Variants in PARD3 observed in about 807,000 individuals in gnomAD.
The protein encoded by PARD3 is par-3 family cell polarity regulator.
A neutral mutation model predicts 155.4 loss-of-function variants in PARD3; 75 were observed. The observed-to-expected ratio is 0.48, with a 90% confidence interval of 0.40 to 0.58. The LOEUF is 0.58. Among genes scored for constraint, PARD3 ranks in the 20% least tolerant of loss-of-function variants. PARD3 has a pLI of 0.00. For missense variants in PARD3, 1,642 were observed against 1,721.7 expected, an observed-to-expected ratio of 0.95 and a Z score of 0.82; for synonymous variants, 576 against 610.5, an observed-to-expected ratio of 0.94 and a Z score of 0.83.
At chr10:34,756,055 G>A (rs911594944) in intron 1 of PARD3, among the ~76,000 whole-genome samples, 4 of 151,924 alleles carry the variant, frequency 2.6e-5, no homozygotes, top group African/African-American at 9.7e-5. Context: ...AGCAGAGAGA[G>A]GGGCTAGGAT....
At chr10:34,496,932 CAGA>C (rs1427774622) in intron 3 of PARD3, among the ~76,000 whole-genome samples, 2 of 151,964 alleles carry the variant, frequency 1.3e-5, no homozygotes, top group African/African-American at 2.4e-5. Context: ...AAAATGTTTT[CAGA>C]AGAAGTGACA....
chr10:34,543,256 GCAAAA>G (rs2083785340), intron 2 of PARD3, among the ~76,000 whole-genome samples: 1 of 151,978 alleles, frequency 6.6e-6, no homozygotes, highest in Non-Finnish European at 1.5e-5. Context: ...GGGCGTCAGA[GCAAAA>G]CCCTGTCTCC....
At chr10:34,398,673 C>T (rs1488555679) in intron 7 of PARD3, among the ~76,000 whole-genome samples, 1 of 152,104 alleles carries the variant, frequency 6.6e-6, no homozygotes, top group South Asian at 2.1e-4. Context: ...TATTTGAATA[C>T]ATTAAAACCA....
intron 3 of PARD3, among the ~76,000 whole-genome samples, chr10:34,486,423 G>C (rs149623405): frequency 8.5e-5 from 13 of 152,316 alleles, no homozygotes; most frequent in African/African-American, 2.6e-4. Flanking sequence ...TCAGGGCAAT[G>C]GTGGTGGTGC....
intron 18 of PARD3, among the ~76,000 whole-genome samples, 191 bp from the exon 19 acceptor site, chr10:34,331,535 AT>A (rs1271687222): frequency 2.0e-5 from 3 of 152,162 alleles, no homozygotes; most frequent in African/African-American, 7.2e-5. Flanking sequence ...CTTATATTAG[AT>A]TTGGTCTATT....
In PARD3 at chr10:34,429,553, A is replaced by AGTTGTGTTTT. The variant is rs1554854932; in HGVS notation, c.714+20763_714+20764insAAAACACAAC. 6.9e-5 allele frequency among the ~76,000 whole-genome samples: 10 copies of AGTTGTGTTTT among 145,238 alleles called. No individual in the cohort carries two copies. In the East Asian group the frequency reaches 1.7e-3, roughly 24 times the overall value. ...TAAGAATACAGCCCCACTCTAACTC[A>AGTTGTGTTTT]GTTTTGTTTTGTTTTGTTTTGTTTT... On this transcript the variant is annotated intron_variant, in intron 5 of 24. Coordinates refer to ENST00000374788, the MANE Select transcript of PARD3 (RefSeq NM_001184785.2).
Position 34,360,186 on chromosome 10 carries a change from T to C in PARD3, c.1781A>G (p.Asn594Ser), listed in dbSNP as rs1839308622. 1.2e-6 allele frequency: 2 copies of C among 1,613,922 alleles called. No homozygotes were observed. Among genetic ancestry groups the C allele is most frequent in the East Asian group, 2.2e-5 (1 of 44,882 alleles). The change falls in exon 13 of 25, where the codon AAT becomes AGT. Residue 594 changes from asparagine to serine, a missense_variant. Coordinates refer to ENST00000374788, the MANE Select transcript of PARD3 (RefSeq NM_001184785.2). Reference sequence around the variant, plus strand: ...ACCAAGGCCTGCAGATCCTGAATCATTAAGTGGGACTTCAAATGTCAGAAA... The same window carrying C: ...ACCAAGGCCTGCAGATCCTGAATCACTAAGTGGGACTTCAAATGTCAGAAA... ...REFLTFEVPL[N>S]DSGSAGLGVS...
At chr10:34,500,694 A>G (rs1162933056) in intron 3 of PARD3, among the ~76,000 whole-genome samples, 1 of 152,206 alleles carries the variant, frequency 6.6e-6, no homozygotes, top group Non-Finnish European at 1.5e-5. Flanking sequence ...GTGAGCCAAG[A>G]TCACACCACT....
chr10:34,443,239 A>G (rs1324050108), intron 5 of PARD3, among the ~76,000 whole-genome samples: 1 of 152,218 alleles, frequency 6.6e-6, no homozygotes, highest in Non-Finnish European at 1.5e-5. Flanking sequence ...TATGCTGAAA[A>G]ATGTTTCTTC....
intron 1 of PARD3, among the ~76,000 whole-genome samples, chr10:34,790,142 G>A (rs1841462889): frequency 1.3e-5 from 2 of 152,168 alleles, no homozygotes; most frequent in Non-Finnish European, 2.9e-5. Flanking sequence ...TTTCAAAGGT[G>A]GAGGCGTGGT....
chr10:34,219,803 T>A (rs1952187411), intron 22 of PARD3, among the ~76,000 whole-genome samples: 2 of 152,188 alleles, frequency 1.3e-5, no homozygotes, highest in Non-Finnish European at 2.9e-5. Context: ...TGGTACTAAC[T>A]AAAATGCTAC....
At chr10:34,383,444 T>C (rs183400249) in intron 8 of PARD3, among the ~76,000 whole-genome samples, 4 of 151,924 alleles carry the variant, frequency 2.6e-5, no homozygotes, top group Admixed American at 6.6e-5. Flanking sequence ...CTATTAATTA[T>C]TTATTAAGTT....
chr10:34,691,122 GCACC>G (rs2094051751), intron 2 of PARD3, among the ~76,000 whole-genome samples: 1 of 152,110 alleles, frequency 6.6e-6, no homozygotes, highest in Non-Finnish European at 1.5e-5. Flanking sequence ...AGGTGAGGTG[GCACC>G]CAAATAGGAA....
chr10:34,331,375 T>C (rs770760897), intron 18 of PARD3, 31 bp from the exon 19 acceptor site: 6 of 1,438,578 alleles, frequency 4.2e-6, no homozygotes, highest in South Asian at 1.2e-5. Context: ...AAAATGTTAG[T>C]GTGAATTAGT....
intron 4 of PARD3, among the ~76,000 whole-genome samples, chr10:34,460,550 A>G (rs2077577679): frequency 6.6e-6 from 1 of 152,134 alleles, no homozygotes; most frequent in African/African-American, 2.4e-5. Context: ...AAATAGGTAC[A>G]AGGCCGGGCG....
At chr10:34,651,969 G>A (rs1370067556) in intron 2 of PARD3, among the ~76,000 whole-genome samples, 1 of 152,136 alleles carries the variant, frequency 6.6e-6, no homozygotes, top group African/African-American at 2.4e-5. Flanking sequence ...CACAGTATCT[G>A]TTCTTGCTTA....
At chr10:34,583,817 T>G (rs1251212396) in intron 2 of PARD3, among the ~76,000 whole-genome samples, 1 of 152,168 alleles carries the variant, frequency 6.6e-6, no homozygotes, top group Non-Finnish European at 1.5e-5. Context: ...AAGCAGAATG[T>G]TCTTTACAAT....
chr10:34,158,130 G>A (rs915872963), intron 22 of PARD3, among the ~76,000 whole-genome samples: 2 of 152,136 alleles, frequency 1.3e-5, no homozygotes. Flanking sequence ...TGTAATCCCA[G>A]CACTTTAGGA....
In PARD3 at chr10:34,546,489, C is replaced by T. The variant is rs112329705; in HGVS notation, c.223-29330G>A. ...CCGAGACTGTACCACTGCACACCAG[C>T]CCGGGCAACAGTGCAAGACTCTGTC... On this transcript the variant is annotated intron_variant, in intron 2 of 24. Coordinates refer to ENST00000374788, the MANE Select transcript of PARD3 (RefSeq NM_001184785.2). Among the ~76,000 whole-genome samples, 565 of 151,464 alleles carry T rather than the reference C, an allele frequency of 3.7e-3. 2 individuals carry two copies. The highest frequency in any genetic ancestry group is 0.013 in the African/African-American group (535 of 41,180).
Sources: allele counts gnomAD v4.1 joint callset (sites outside exome capture counted in the v4.1 genomes callset), GRCh38; gene constraint gnomAD v4.1.1; transcripts MANE v1.5; gene names NCBI Gene and HGNC (gene_info 2026-07-23, HGNC 2026-07-21).